FHIT: variants seen among roughly 807,000 people sequenced by gnomAD.
FHIT encodes fragile histidine triad diadenosine triphosphatase, also known as bis(5'-adenosyl)-triphosphatase.
FHIT carries 19 observed loss-of-function variants against 17.9 expected under a neutral mutation model. The observed-to-expected ratio is 1.06, with a 90% CI of 0.74 to 1.56. The LOEUF (loss-of-function observed/expected upper bound fraction) is 1.56, where lower values mean the gene tolerates loss of function less well. FHIT is among the 40% of genes most tolerant of loss of function. The pLI, the probability that FHIT is intolerant of heterozygous loss-of-function variation, is 0.00. For synonymous variants in FHIT, 81 were observed against 69.7 expected (o/e 1.16, Z -0.81); for missense variants, 248 against 189.2 (o/e 1.31, Z -1.82).
At chr3:60,103,536 A>G (rs575205049) in intron 5 of FHIT, among the ~76,000 whole-genome samples, 32 of 152,310 alleles carry the variant, frequency 2.1e-4, no homozygotes, top group Admixed American at 8.5e-4. Flanking sequence ...ACCAGGAGCT[A>G]TATGAATGTA....
intron 5 of FHIT, among the ~76,000 whole-genome samples, chr3:60,024,741 C>A (rs1352352527): frequency 6.6e-6 from 1 of 152,246 alleles, no homozygotes; most frequent in Non-Finnish European, 1.5e-5. Context: ...GCTAAGGTGG[C>A]TGTGAACTAG....
At chr3:60,585,282 G>A (rs953400969) in intron 4 of FHIT, among the ~76,000 whole-genome samples, 22 of 152,054 alleles carry the variant, frequency 1.4e-4, no homozygotes, top group East Asian at 5.8e-4. Flanking sequence ...ACATTCATGC[G>A]TAATCAGAGA....
chr3:60,163,028 C>A (rs527711787), intron 5 of FHIT, among the ~76,000 whole-genome samples: 92 of 152,318 alleles, frequency 6.0e-4, no homozygotes, highest in Middle Eastern at 6.8e-3. Flanking sequence ...TAGTTTCTCA[C>A]ACAGAGCTCT....
chr3:60,622,071 G>T (rs1553678898), intron 4 of FHIT, among the ~76,000 whole-genome samples: 3 of 152,190 alleles, frequency 2.0e-5, no homozygotes, highest in African/African-American at 7.2e-5. Flanking sequence ...CAAGAAAGCT[G>T]GGAGTCAGGG....
chr3:60,448,972 T>C (rs753057995), intron 5 of FHIT, among the ~76,000 whole-genome samples: 6 of 152,096 alleles, frequency 3.9e-5, no homozygotes, highest in South Asian at 2.1e-4. Context: ...AGTAATTCGG[T>C]AGGTTTGGAA....
At position 60,629,827 on chromosome 3, in the gene FHIT, T is replaced by C. The variant is rs371949165; in HGVS notation, c.-17-92848A>G. On this transcript the variant is annotated intron_variant, in intron 4 of 9. Coordinates refer to ENST00000492590, the MANE Select transcript of FHIT (RefSeq NM_002012.4). ...GCTACTTGCAGTCTTTGAAACACAG[T>C]GCCCATTTAAAGATGACAATCCTAG... 1.4e-3 allele frequency among the ~76,000 whole-genome samples: 213 copies of C among 152,302 alleles called. 1 individual carries two copies. The highest frequency in any genetic ancestry group is 4.8e-3 in the African/African-American group (198 of 41,578).
At chr3:60,349,693 C>A (rs1710983595) in intron 5 of FHIT, among the ~76,000 whole-genome samples, 1 of 152,064 alleles carries the variant, frequency 6.6e-6, no homozygotes, top group Admixed American at 6.6e-5. Context: ...TGAGAAAAAG[C>A]AATTCAAAGA....
intron 3 of FHIT, among the ~76,000 whole-genome samples, chr3:60,988,962 A>AAAAC: frequency 1.3e-5 from 2 of 148,698 alleles, no homozygotes; most frequent in Non-Finnish European, 3.0e-5. Context: ...AAAAAAAAAA[A>AAAAC]AAAAAAAAAA....
At chr3:60,537,541 T>A (rs1461449504) in intron 4 of FHIT, 1 of 825,266 alleles carries the variant, frequency 1.2e-6, no homozygotes, top group African/African-American at 1.9e-5. Context: ...AAAAAACATT[T>A]AAAAAGAAGG....
intron 8 of FHIT, among the ~76,000 whole-genome samples, chr3:59,830,739 A>G (rs1701135380): frequency 6.6e-6 from 1 of 152,206 alleles, no homozygotes; most frequent in Non-Finnish European, 1.5e-5. Flanking sequence ...TAGCAGACCC[A>G]TGAGCAGGGC....
At chr3:60,086,139 A>G (rs1424771594) in intron 5 of FHIT, among the ~76,000 whole-genome samples, 2 of 152,120 alleles carry the variant, frequency 1.3e-5, no homozygotes, top group African/African-American at 4.8e-5. Flanking sequence ...AGAGGAAGCA[A>G]GAGAGAGAGT....
At chr3:60,749,646 A>G (rs1426116403) in intron 4 of FHIT, among the ~76,000 whole-genome samples, 1 of 152,206 alleles carries the variant, frequency 6.6e-6, no homozygotes, top group Non-Finnish European at 1.5e-5. Flanking sequence ...TTGAAGGGGG[A>G]AATTTTAAAC....
intron 5 of FHIT, among the ~76,000 whole-genome samples, chr3:60,124,111 G>A (rs1229362512): frequency 6.8e-6 from 1 of 146,788 alleles, no homozygotes; most frequent in Non-Finnish European, 1.5e-5. Flanking sequence ...GGAGTGCAGT[G>A]GCATGATCAT....
chr3:59,787,529 C>A (rs1011090004), intron 8 of FHIT, among the ~76,000 whole-genome samples: 6 of 147,710 alleles, frequency 4.1e-5, no homozygotes, highest in Non-Finnish European at 7.4e-5. Context: ...CACACACACA[C>A]GTCAAAGGCT....
intron 5 of FHIT, among the ~76,000 whole-genome samples, chr3:60,340,660 C>A (rs990077657): frequency 3.9e-5 from 6 of 152,116 alleles, no homozygotes; most frequent in African/African-American, 1.4e-4. Flanking sequence ...ATACAGTTGA[C>A]CCTTGAACAA....
intron 3 of FHIT, among the ~76,000 whole-genome samples, chr3:60,948,715 A>G (rs1300065805): frequency 6.6e-6 from 1 of 152,242 alleles, no homozygotes; most frequent in East Asian, 1.9e-4. Context: ...ATTAGTAATG[A>G]AACAGCTATA....
intron 3 of FHIT, among the ~76,000 whole-genome samples, chr3:60,831,152 A>T (rs1702313103): frequency 6.6e-6 from 1 of 152,224 alleles, no homozygotes; most frequent in African/African-American, 2.4e-5. Context: ...AAATAGTTAA[A>T]AGGAGAAACT....
intron 5 of FHIT, among the ~76,000 whole-genome samples, chr3:60,430,045 A>C (rs1187689082): frequency 6.6e-6 from 1 of 151,906 alleles, no homozygotes; most frequent in Non-Finnish European, 1.5e-5. Context: ...GACTGACTGG[A>C]GAAGAACATA....
chr3:60,409,457 G>T (rs1020251539), intron 5 of FHIT, among the ~76,000 whole-genome samples: 1 of 152,192 alleles, frequency 6.6e-6, no homozygotes, highest in Non-Finnish European at 1.5e-5. Flanking sequence ...CGCACAAATT[G>T]AAAGATTTAC....
Sources: allele counts gnomAD v4.1 joint callset (sites outside exome capture counted in the v4.1 genomes callset), GRCh38; gene constraint gnomAD v4.1.1; transcripts MANE v1.5; gene names NCBI Gene and HGNC (gene_info 2026-07-23, HGNC 2026-07-21).